EPYC: variants seen among roughly 807,000 people sequenced by gnomAD.
EPYC encodes epiphycan, also known as dermatan sulfate proteoglycan 3.
Under a neutral mutation model 30.1 loss-of-function variants are expected in EPYC, and 28 were observed. That is an observed-to-expected ratio of 0.93 (90% CI 0.69 to 1.28). EPYC has a LOEUF of 1.28. Ranked by LOEUF, EPYC falls within the 50% of genes most tolerant of loss-of-function variation. The pLI, the probability that EPYC is intolerant of heterozygous loss-of-function variation, is 0.00. For missense variants in EPYC, 382 were observed against 383.5 expected, an observed-to-expected ratio of 1.00 and a Z score of 0.03; for synonymous variants, 144 against 141.4, an observed-to-expected ratio of 1.02 and a Z score of -0.13.
intron 2 of EPYC, among the ~76,000 whole-genome samples, chr12:90,979,467 A>T (rs11105899): frequency 0.063 from 9,585 of 152,252 alleles, 506 homozygotes; most frequent in South Asian, 0.2. Context: ...TTTTCAGACC[A>T]GGTATTTTCT....
At position 90,992,801 on chromosome 12, in the gene EPYC, C is replaced by T. The variant is rs76850751; in HGVS notation, c.165+9600G>A. On this transcript the variant is annotated intron_variant, in intron 2 of 6. Transcript: ENST00000261172. ...TCTGGCTTGTTCACTGAGCTCCTTC[C>T]GTAGAGTTTCTGATTCCCTAGGTCT... is the stretch of plus-strand genomic sequence containing the variant. Among the ~76,000 whole-genome samples the T allele has an allele frequency of 4.1e-3, 627 of 152,196 alleles. 4 individuals are homozygous for T. Among genetic ancestry groups the T allele is most frequent in the African/African-American group, 0.014 (591 of 41,534 alleles).
intron 3 of EPYC, among the ~76,000 whole-genome samples, chr12:90,975,571 G>A (rs1877160738): frequency 6.6e-6 from 1 of 151,878 alleles, no homozygotes; most frequent in African/African-American, 2.4e-5. Flanking sequence ...CTTAGTTTTT[G>A]TTATGTTTCT....
chr12:90,987,215 A>G (rs1197841279), intron 2 of EPYC, among the ~76,000 whole-genome samples: 1 of 152,078 alleles, frequency 6.6e-6, no homozygotes, highest in East Asian at 1.9e-4. Context: ...ATAAACCACA[A>G]TAACATCTCT....
chr12:91,000,792 T>C (rs1877805017), intron 2 of EPYC, among the ~76,000 whole-genome samples: 1 of 76,300 alleles, frequency 1.3e-5, no homozygotes, highest in African/African-American at 2.9e-5. Context: ...TGCACTAACT[T>C]TTTTTTAAAA....
chr12:90,984,533 C>G (rs1349615437), intron 2 of EPYC, among the ~76,000 whole-genome samples: 1 of 152,056 alleles, frequency 6.6e-6, no homozygotes, highest in Non-Finnish European at 1.5e-5. Flanking sequence ...AAAATGGCCA[C>G]CTGAGGGAAG....
At chr12:90,990,576 A>G (rs547018090) in intron 2 of EPYC, among the ~76,000 whole-genome samples, 80 of 152,278 alleles carry the variant, frequency 5.3e-4, no homozygotes, top group African/African-American at 1.9e-3. Flanking sequence ...AGACCACATT[A>G]AACCTAAAGG....
intron 3 of EPYC, among the ~76,000 whole-genome samples, chr12:90,975,195 T>C (rs1877152505): frequency 1.3e-5 from 2 of 152,122 alleles, no homozygotes; most frequent in Admixed American, 1.3e-4. Flanking sequence ...TCTCCAATCA[T>C]TATAAATTAA....
intron 2 of EPYC, among the ~76,000 whole-genome samples, chr12:90,990,245 C>A (rs1029359373): frequency 2.0e-5 from 3 of 151,950 alleles, no homozygotes; most frequent in Non-Finnish European, 4.4e-5. Context: ...TGTAACACAG[C>A]CTTTATTGAG....
At chr12:90,968,422 A>G (rs369666566) in intron 6 of EPYC, among the ~76,000 whole-genome samples, 28 of 152,344 alleles carry the variant, frequency 1.8e-4, no homozygotes, top group African/African-American at 6.5e-4. Context: ...CCCAAGGCAT[A>G]TGCTTTTGCC....
chr12:91,001,605 C>T (rs2120876017), intron 2 of EPYC, among the ~76,000 whole-genome samples: 1 of 152,216 alleles, frequency 6.6e-6, no homozygotes, highest in Non-Finnish European at 1.5e-5. Flanking sequence ...CCAATTTCTA[C>T]ATTACTGCCG....
At chr12:90,990,131 A>T (rs1428944048) in intron 2 of EPYC, among the ~76,000 whole-genome samples, 4 of 152,054 alleles carry the variant, frequency 2.6e-5, no homozygotes, top group Non-Finnish European at 4.4e-5. Context: ...AAACGAAGAT[A>T]TTTGGAACCT....
At chr12:90,976,531 CAT>C (rs1877184320) in intron 3 of EPYC, among the ~76,000 whole-genome samples, 2 of 152,098 alleles carry the variant, frequency 1.3e-5, no homozygotes, top group Admixed American at 6.6e-5. Flanking sequence ...GATTTGAATA[CAT>C]ATGTTTTGGT....
intron 2 of EPYC, among the ~76,000 whole-genome samples, chr12:90,979,844 G>T (rs1920783): frequency 0.89 from 134,799 of 152,218 alleles, 59,697 homozygotes; most frequent in South Asian, 0.95. Context: ...ATATATCTAA[G>T]TCACAGCTCT....
chr12:91,000,776 C>T (rs1877804419), intron 2 of EPYC, among the ~76,000 whole-genome samples: 1 of 137,700 alleles, frequency 7.3e-6, no homozygotes, highest in Non-Finnish European at 1.6e-5. Context: ...TAGATAAATT[C>T]AGAAATGCAC....
At chr12:90,980,702 C>CT (rs1346955711) in intron 2 of EPYC, among the ~76,000 whole-genome samples, 2 of 152,112 alleles carry the variant, frequency 1.3e-5, no homozygotes, top group Non-Finnish European at 2.9e-5. Context: ...AAATCCCTGT[C>CT]TTTTTTCTCA....
intron 2 of EPYC, among the ~76,000 whole-genome samples, chr12:90,986,357 G>A (rs1437807639): frequency 6.6e-6 from 1 of 152,130 alleles, no homozygotes; most frequent in Non-Finnish European, 1.5e-5. Flanking sequence ...AGAAAATGCA[G>A]CAGTCCCTGC....
chr12:90,983,741 T>C (rs1251367794), intron 2 of EPYC, among the ~76,000 whole-genome samples: 2 of 152,132 alleles, frequency 1.3e-5, no homozygotes, highest in African/African-American at 4.8e-5. Flanking sequence ...ATCTCTTCTC[T>C]GAGGCTAGTC....
At chr12:90,999,658 G>T (rs556097406) in intron 2 of EPYC, among the ~76,000 whole-genome samples, 28 of 152,104 alleles carry the variant, frequency 1.8e-4, no homozygotes, top group Non-Finnish European at 2.9e-4. Flanking sequence ...ATAAAAATGA[G>T]ATAAATATGC....
At chr12:90,980,192 A>G (rs957942244) in intron 2 of EPYC, among the ~76,000 whole-genome samples, 1 of 152,172 alleles carries the variant, frequency 6.6e-6, no homozygotes, top group Non-Finnish European at 1.5e-5. Context: ...CAAATTCCAG[A>G]CACGTTGCCT....
Sources: gnomAD v4.1 joint callset for allele counts (sites outside exome capture counted in the v4.1 genomes callset) on GRCh38, gnomAD v4.1.1 for gene constraint, MANE v1.5 for transcripts, NCBI Gene and HGNC (gene_info 2026-07-23, HGNC 2026-07-21) for gene names.